SPARC: variants seen among roughly 807,000 people sequenced by gnomAD.
SPARC encodes the protein basement-membrane protein 40.
Under a neutral mutation model 37.7 loss-of-function variants are expected in SPARC, and 23 were observed. That is an observed-to-expected ratio of 0.61 (90% confidence interval 0.44 to 0.87). The LOEUF is 0.87. Among genes scored for constraint, SPARC ranks in the 40% least tolerant of loss-of-function variants. The pLI, the probability that SPARC is intolerant of heterozygous loss-of-function variation, is 0.00. For missense variants in SPARC, 312 were observed against 389.0 expected (o/e 0.80, Z 1.66); for synonymous variants, 155 against 150.8 (o/e 1.03, Z -0.20).
intron 3 of SPARC, 116 bp from the exon 4 acceptor site, chr5:151,673,332 T>C: frequency 1.3e-6 from 1 of 770,148 alleles, no homozygotes; most frequent in Non-Finnish European, 2.4e-6. Flanking sequence ...GAATCCAGAT[T>C]TAATCTATAG....
At chr5:151,681,238 G>C (rs1392851616) in intron 1 of SPARC, among the ~76,000 whole-genome samples, 1 of 152,194 alleles carries the variant, frequency 6.6e-6, no homozygotes, top group East Asian at 1.9e-4. Context: ...CATGGGGACC[G>C]AGCCAGGCAG....
intron 1 of SPARC, chr5:151,679,883 G>C (rs899121542): frequency 6.6e-6 from 1 of 152,306 alleles, no homozygotes; most frequent in Admixed American, 6.5e-5. Flanking sequence ...CAGAATGATA[G>C]ACTTAGGATG....
In SPARC at chr5:151,663,939, A is replaced by G; in HGVS notation, c.883+148T>C. ...AGGATCAGGAAGACGCCCAAGAGAC[A>G]GGAGTCAAATAGGCAGAGAGAGCAG... On this transcript the variant is annotated intron_variant, in intron 9 of 9. Coordinates refer to ENST00000231061, the MANE Select transcript of SPARC (RefSeq NM_003118.4). 3.3e-6 allele frequency: 3 copies of G among 909,648 alleles called. No homozygotes were observed. In the Admixed American group the frequency reaches 6.1e-5, roughly 18 times the overall value. 56.3% of individuals were successfully genotyped at this position (909,648 alleles called of 1,614,324 possible). A position where few individuals can be genotyped will look rare whatever the true frequency, so the allele number is the denominator to read the frequency against.
At chr5:151,683,057 C>T (rs1761033244) in intron 1 of SPARC, among the ~76,000 whole-genome samples, 2 of 148,888 alleles carry the variant, frequency 1.3e-5, no homozygotes, top group African/African-American at 5.0e-5. Flanking sequence ...TGGCCCTGCA[C>T]AGCCCAGCTG....
Position 151,664,080 on chromosome 5 carries a change from C to T in SPARC, c.883+7G>A, listed in dbSNP as rs772522617. 46 of 1,614,032 alleles carry T rather than the reference C, an allele frequency of 2.9e-5. No homozygotes were observed. The highest frequency in any genetic ancestry group is 3.6e-5 in the Non-Finnish European group (43 of 1,180,048). On this transcript the variant is annotated splice_region_variant and intron_variant, in intron 9 of 9. Coordinates refer to ENST00000231061, the MANE Select transcript of SPARC (RefSeq NM_003118.4). ...CATGCCCCTTGCTTCTTTGTTCAGA[C>T]ACTCACTCTGCTTGATGCCGAAGCA...
chr5:151,684,572 C>T (rs567381245), intron 1 of SPARC, among the ~76,000 whole-genome samples: 5 of 132,874 alleles, frequency 3.8e-5, no homozygotes, highest in Admixed American at 8.3e-5. Context: ...AAGGAAAGTT[C>T]TATACAAACC....
At chr5:151,671,519 C>T in intron 5 of SPARC, 54 bp downstream of exon 5, 1 of 1,507,926 alleles carries the variant, frequency 6.6e-7, no homozygotes, top group Non-Finnish European at 8.9e-7. Context: ...AGCAGACATC[C>T]TGTATTCCGA....
intron 8 of SPARC, 43 bp from the exon 9 acceptor site, chr5:151,664,278 C>A (rs1370727401): frequency 6.3e-7 from 1 of 1,592,372 alleles, no homozygotes; most frequent in South Asian, 1.1e-5. Context: ...CATGGAAAAG[C>A]TCCACACCCA....
chr5:151,669,806 C>T lies in SPARC; in HGVS notation c.331-22G>A, dbSNP rs759963802. 6 of 1,613,430 alleles carry T rather than the reference C, an allele frequency of 3.7e-6. No individual in the cohort carries two copies. In the South Asian group the frequency reaches 5.5e-5, roughly 15 times the overall value. ...ACACCTGTTGGCAAAGCACAGAGTA[C>T]CCCCTCCTTCATTCCCAAAGCCCTT... is the stretch of plus-strand genomic sequence containing the variant. On this transcript the variant is annotated intron_variant, in intron 5 of 9. Transcript: ENST00000231061.
chr5:151,664,550 G>A (rs1290457302), intron 8 of SPARC, among the ~76,000 whole-genome samples: 1 of 152,132 alleles, frequency 6.6e-6, no homozygotes, highest in African/African-American at 2.4e-5. Context: ...GTATTTGATT[G>A]TTTCCTAATT....
chr5:151,684,505 A>G (rs1761083096), intron 1 of SPARC, among the ~76,000 whole-genome samples: 1 of 151,776 alleles, frequency 6.6e-6, no homozygotes, highest in Admixed American at 6.6e-5. Context: ...TCCCCAAATC[A>G]AAATGAAGAT....
chr5:151,673,971 T>G (rs1760801298), intron 3 of SPARC, among the ~76,000 whole-genome samples: 1 of 68,818 alleles, frequency 1.5e-5, no homozygotes, highest in South Asian at 4.6e-4. Flanking sequence ...TTCCTCTGTG[T>G]GTGTGTGTGT....
At position 151,669,746 on chromosome 5, in the gene SPARC, G is replaced by A. The variant is rs779030321; in HGVS notation, c.369C>T (p.Cys123=). The A allele has an allele frequency of 1.9e-6, 3 of 1,614,216 alleles. No individual in the cohort carries two copies. The highest frequency in any genetic ancestry group is 1.7e-5 in the Admixed American group (1 of 60,028). ...GGGTGCACTTTGTGGCAAAGAAGTG[G>A]CAGGAAGAGTCGAAGGTCTTGTTGT... ...SNDNKTFDSS[C]HFFATKCTLE... is the part of the protein sequence containing the mutation. The change falls in exon 6 of 10, where the codon TGC becomes TGT. Residue 123 remains cysteine, a synonymous_variant. Transcript: ENST00000231061.
At chr5:151,683,575 C>T (rs1207024249) in intron 1 of SPARC, among the ~76,000 whole-genome samples, 1 of 152,204 alleles carries the variant, frequency 6.6e-6, no homozygotes, top group Non-Finnish European at 1.5e-5. Flanking sequence ...ACGTCTGTCT[C>T]ATTGTCATGA....
intron 1 of SPARC, among the ~76,000 whole-genome samples, chr5:151,683,310 G>T (rs1310935464): frequency 1.3e-5 from 2 of 152,244 alleles, no homozygotes; most frequent in Non-Finnish European, 2.9e-5. Context: ...GGCATTGCAG[G>T]CCAGCCAACG....
At chr5:151,675,727 C>A (rs552569297) in intron 2 of SPARC, among the ~76,000 whole-genome samples, 21 of 152,248 alleles carry the variant, frequency 1.4e-4, no homozygotes, top group Admixed American at 1.2e-3. Flanking sequence ...AACCAAACAA[C>A]CCTCACTGTT....
intron 9 of SPARC, 147 bp downstream of exon 9, chr5:151,663,940 G>A (rs193232197): frequency 5.4e-6 from 5 of 920,450 alleles, no homozygotes; most frequent in Non-Finnish European, 8.5e-6. Flanking sequence ...CCAAGAGACA[G>A]GAGTCAAATA....
rs1864966 is a variant in SPARC at position 151,673,002 on chromosome 5, T to C, written c.208+127A>G. ...TTGTTAAGTCAAAGCCGTGTTTCCTTCATAGCCCACTGAGGACCCCACCCT... is the reference window on the plus strand; with the variant it reads ...TTGTTAAGTCAAAGCCGTGTTTCCTCCATAGCCCACTGAGGACCCCACCCT... On this transcript the variant is annotated intron_variant, in intron 4 of 9. Coordinates refer to ENST00000231061, the MANE Select transcript of SPARC (RefSeq NM_003118.4). 442,925 of 733,306 alleles carry C rather than the reference T, an allele frequency of 0.6. 135,422 individuals are homozygous for C. The highest frequency in any genetic ancestry group is 0.78 in the African/African-American group (45,371 of 58,368). The allele number at this position is 733,306 out of a possible 1,614,324, so 45.4% of individuals were successfully genotyped here.
chr5:151,681,783 C>T (rs1220021683), intron 1 of SPARC, among the ~76,000 whole-genome samples: 1 of 152,182 alleles, frequency 6.6e-6, no homozygotes, highest in Non-Finnish European at 1.5e-5. Flanking sequence ...ATCCCAGCAA[C>T]TCGGGAGGCT....
Sources: allele counts gnomAD v4.1 joint callset (sites outside exome capture counted in the v4.1 genomes callset), GRCh38; gene constraint gnomAD v4.1.1; transcripts MANE v1.5; gene names NCBI Gene and HGNC (gene_info 2026-07-23, HGNC 2026-07-21).